Variants in JHY observed in about 807,000 individuals in gnomAD.
JHY encodes the protein junctional cadherin complex regulator.
In JHY, 69 loss-of-function variants were observed where a neutral mutation model predicts 78.0. The ratio of observed to expected loss-of-function variants is 0.88; its 90% CI spans 0.73 to 1.08. The LOEUF is 1.08. JHY is among the 50% of genes least tolerant of loss of function. The probability of loss-of-function intolerance (pLI) is 0.00; values close to 1 mark genes in which losing one functional copy is unlikely to be tolerated. For missense variants in JHY, 944 were observed against 927.8 expected (o/e 1.02, Z -0.23); for synonymous variants, 368 against 342.6 (o/e 1.07, Z -0.82).
At chr11:122,900,951 C>A (rs1862844335) in intron 2 of JHY, among the ~76,000 whole-genome samples, 1 of 152,212 alleles carries the variant, frequency 6.6e-6, no homozygotes, top group Admixed American at 6.5e-5. Context: ...GTCTAGGCAA[C>A]AATTCACAGT....
At chr11:122,908,853 C>T (rs1412022456) in intron 3 of JHY, among the ~76,000 whole-genome samples, 1 of 152,128 alleles carries the variant, frequency 6.6e-6, no homozygotes, top group Non-Finnish European at 1.5e-5. Flanking sequence ...CACCCGCCAC[C>T]ACACCTGGCT....
chr11:122,899,886 C>T (rs1862813384), intron 2 of JHY, among the ~76,000 whole-genome samples: 1 of 152,174 alleles, frequency 6.6e-6, no homozygotes. Flanking sequence ...GAACGTGAGC[C>T]CAGGTCTGTG....
intron 2 of JHY, among the ~76,000 whole-genome samples, chr11:122,895,399 T>C (rs1862717924): frequency 6.6e-6 from 1 of 152,250 alleles, no homozygotes; most frequent in Non-Finnish European, 1.5e-5. Flanking sequence ...TATTGAATAT[T>C]TTATTGTGAG....
At chr11:122,946,959 G>A (rs1863978321) in intron 6 of JHY, 167 bp downstream of exon 6, 1 of 700,804 alleles carries the variant, frequency 1.4e-6, no homozygotes, top group Non-Finnish European at 2.2e-6. Context: ...CTACTCCCTG[G>A]GGTTTCCCTC....
rs764183163 is a variant in JHY, at chr11:122,886,062, C to T, written c.213C>T (p.Pro71=). 20 of 1,613,876 alleles carry T rather than the reference C, an allele frequency of 1.2e-5. No individual in the cohort carries two copies. In the African/African-American group the frequency reaches 2.1e-4, roughly 17 times the overall value. Residue 71 remains proline, a synonymous_variant, in exon 2 of 9, where the codon CCC becomes CCT. Transcript: ENST00000227349. ...GAATCCGGGGCAACGGTATGGAGCC[C>T]GACAGCTTAGACGAGGAGGAAAGCC... ...DDRIRGNGME[P]DSLDEEESPR...
At chr11:122,900,747 T>C (rs1183808609) in intron 2 of JHY, among the ~76,000 whole-genome samples, 1 of 152,168 alleles carries the variant, frequency 6.6e-6, no homozygotes, top group African/African-American at 2.4e-5. Context: ...CAAGAGGCTA[T>C]GAACCTTTCA....
At chr11:122,958,625 C>A in intron 8 of JHY, 1 of 682,722 alleles carries the variant, frequency 1.5e-6, no homozygotes, top group East Asian at 1.4e-4. Context: ...TACTAAAATG[C>A]AAAACTGTTA....
intron 3 of JHY, among the ~76,000 whole-genome samples, chr11:122,922,646 T>C (rs1193279063): frequency 1.3e-5 from 2 of 151,482 alleles, no homozygotes; most frequent in African/African-American, 4.8e-5. Context: ...CCGTCTCTAC[T>C]AAAAATACAA....
At chr11:122,945,325 T>C (rs1412873935) in intron 5 of JHY, among the ~76,000 whole-genome samples, 1 of 152,210 alleles carries the variant, frequency 6.6e-6, no homozygotes, top group African/African-American at 2.4e-5. Context: ...CTAGAATTTC[T>C]ATTTGGTTCT....
At chr11:122,890,902 C>T (rs990495160) in intron 2 of JHY, among the ~76,000 whole-genome samples, 2 of 152,090 alleles carry the variant, frequency 1.3e-5, no homozygotes, top group African/African-American at 4.8e-5. Flanking sequence ...ATAACCAGTT[C>T]TCCAATAAAA....
At position 122,904,391 on chromosome 11, in the gene JHY, G is replaced by T. The variant is rs1226194992; in HGVS notation, c.811G>T (p.Asp271Tyr). 1.2e-6 allele frequency: 2 copies of T among 1,613,962 alleles called. No homozygotes were observed. Among genetic ancestry groups the T allele is most frequent in the African/African-American group, 2.7e-5 (2 of 74,892 alleles). Residue 271 changes from aspartate (D) to tyrosine (Y), a missense_variant, in exon 3 of 9, where the codon GAC (aspartate) becomes TAC (tyrosine). Coordinates refer to ENST00000227349, the MANE Select transcript of JHY (RefSeq NM_024806.4). ...LTLGLPTPKTDSYLQLHNKKR... is the reference protein window; with the variant it reads ...LTLGLPTPKTYSYLQLHNKKR... Reference sequence around the variant, plus strand: ...TTTGGGATTACCCACCCCGAAAACGGACTCTTATCTTCAACTTCACAATAA... The same window carrying T: ...TTTGGGATTACCCACCCCGAAAACGTACTCTTATCTTCAACTTCACAATAA...
At chr11:122,925,401 A>G (rs922651955) in intron 4 of JHY, among the ~76,000 whole-genome samples, 2 of 152,212 alleles carry the variant, frequency 1.3e-5, no homozygotes, top group Non-Finnish European at 2.9e-5. Flanking sequence ...CAATGGGGAC[A>G]CTATTCCTGA....
At position 122,885,876 on chromosome 11, in the gene JHY, G is replaced by A; in HGVS notation, c.27G>A (p.Lys9=). MSKRKLIP[K]LSIQSPVLHT... The stretch of plus-strand genomic sequence containing the variant: ...TGAGTAAACGTAAACTAATTCCCAA[G>A]CTCTCTATTCAATCTCCTGTCCTTC... The change falls in exon 2 of 9, where the codon AAG becomes AAA. Residue 9 remains lysine, a synonymous_variant. Transcript: ENST00000227349. The A allele has an allele frequency of 1.2e-6, 2 of 1,610,530 alleles. No homozygotes were observed. Among genetic ancestry groups the A allele is most frequent in the South Asian group, 1.1e-5 (1 of 90,816 alleles).
In JHY at chr11:122,904,114, C is replaced by T. The variant is rs745520334; in HGVS notation, c.534C>T (p.Gly178=). ...ETSMELSGGK[G]EQKESPQSAA... ...CAATGGAACTCTCCGGGGGAAAAGG[C>T]GAGCAGAAAGAGAGTCCACAGAGTG... The change falls in exon 3 of 9, where the codon GGC becomes GGT. Residue 178 remains glycine, a synonymous_variant. Coordinates refer to ENST00000227349, the MANE Select transcript of JHY (RefSeq NM_024806.4). 1.2e-6 allele frequency: 2 copies of T among 1,614,098 alleles called. No homozygotes were observed. Among genetic ancestry groups the T allele is most frequent in the Non-Finnish European group, 1.7e-6 (2 of 1,180,008 alleles).
rs1864214392 is a variant in JHY, at chr11:122,957,366, C to G, written c.2014C>G (p.Gln672Glu). ...PDFESIRDKT[Q>E]KLIQQKEYAK... is the part of the protein sequence containing the mutation. ...ATAACTTTGTTTCTCTGAACAGACG[C>G]AAAAATTAATACAGCAAAAGGAATA... The change falls in exon 8 of 9, where the codon CAA becomes GAA. Residue 672 changes from glutamine to glutamate, a missense_variant. Transcript: ENST00000227349. The G allele has an allele frequency of 1.3e-6, 2 of 1,525,068 alleles. No homozygotes were observed. The highest frequency in any genetic ancestry group is 1.7e-6 in the Non-Finnish European group (2 of 1,149,430). The allele number at this position is 1,525,068 out of a possible 1,614,324, so 94.5% of individuals were successfully genotyped here.
chr11:122,898,437 G>A lies in JHY; in HGVS notation c.345-5488G>A, dbSNP rs369951243. On this transcript the variant is annotated intron_variant, in intron 2 of 8. Coordinates refer to ENST00000227349, the MANE Select transcript of JHY (RefSeq NM_024806.4). This position sits in a 1 kb window ranked among gnomAD's most constrained non-coding sequence, Gnocchi z 4.4. ...AAGCCCTCTAAGCCTCAGTTTCCTC[G>A]TCTGTTAAATGGGGGTAATAATAGT... Among the ~76,000 whole-genome samples the A allele has an allele frequency of 5.3e-5, 8 of 152,110 alleles. No homozygotes were observed. The highest frequency in any genetic ancestry group is 1.4e-4 in the African/African-American group (6 of 41,410).
At chr11:122,951,881 A>G (rs1312178305) in intron 6 of JHY, among the ~76,000 whole-genome samples, 1 of 152,140 alleles carries the variant, frequency 6.6e-6, no homozygotes, top group Non-Finnish European at 1.5e-5. Flanking sequence ...TGCATCTTAT[A>G]CAAAGACTAG....
rs148762566 is a variant in JHY, at chr11:122,903,967, C to T, written c.387C>T (p.Asp129=). The T allele has an allele frequency of 1.6e-4, 262 of 1,611,738 alleles. 1 individual carries two copies. The African/African-American group carries it at 3.0e-3, about 19-fold the overall frequency. The change falls in exon 3 of 9, where the codon GAC becomes GAT. Residue 129 remains aspartate (D), a synonymous_variant. Coordinates refer to ENST00000227349, the MANE Select transcript of JHY (RefSeq NM_024806.4). ...IEDKYSDLRY[D]PNWKSKKEEG... is the part of the protein sequence containing the mutation. ...ACAAATATTCAGACCTCCGCTATGA[C>T]CCGAACTGGAAGAGTAAGAAGGAGG...
At chr11:122,884,439 C>T (rs967503344) in intron 1 of JHY, among the ~76,000 whole-genome samples, 1 of 145,112 alleles carries the variant, frequency 6.9e-6, no homozygotes, top group Admixed American at 6.8e-5. Context: ...ACCTGACTCA[C>T]AGAAAAAAAA....
Sources: allele counts gnomAD v4.1 joint callset (sites outside exome capture counted in the v4.1 genomes callset), GRCh38; gene constraint gnomAD v4.1.1; non-coding constraint Gnocchi (gnomAD v3.1); transcripts MANE v1.5; gene names NCBI Gene and HGNC (gene_info 2026-07-23, HGNC 2026-07-21).